Variants in GAS2L1 observed in about 807,000 individuals in gnomAD.
The protein encoded by GAS2L1 is growth arrest specific 2 like 1.
Under a neutral mutation model 44.0 loss-of-function variants are expected in GAS2L1, and 26 were observed. The observed-to-expected ratio is 0.59, with a 90% confidence interval of 0.43 to 0.82. The LOEUF is 0.82. Among genes scored for constraint, GAS2L1 ranks in the 40% least tolerant of loss-of-function variants. The pLI is 0.00. For synonymous variants in GAS2L1, 426 were observed against 415.9 expected (o/e 1.02, Z -0.30); for missense variants, 1,006 against 983.0 (o/e 1.02, Z -0.31).
At chr22:29,312,303 C>G in exon 5 of GAS2L1, 2 of 1,608,160 alleles carry the variant, frequency 1.2e-6, no homozygotes, top group Non-Finnish European at 1.7e-6. Flanking sequence ...ACTAGATGCA[C>G]CTGGGAGCCC....
exon 5 of GAS2L1, chr22:29,312,197 C>T (rs905624495): frequency 6.8e-6 from 11 of 1,612,992 alleles, no homozygotes; most frequent in South Asian, 1.1e-5. Context: ...AACCTGGGGA[C>T]TCTGGCCGGA....
exon 1 of GAS2L1, chr22:29,308,646 G>C: frequency 6.4e-7 from 1 of 1,569,980 alleles, no homozygotes; most frequent in Non-Finnish European, 8.6e-7. Context: ...CCCTGCCGCT[G>C]GGGAGGACAC....
At chr22:29,308,477 T>G (rs781164860) in exon 1 of GAS2L1, 1 of 1,608,598 alleles carries the variant, frequency 6.2e-7, no homozygotes, top group South Asian at 1.1e-5. Flanking sequence ...TGTTTGAGAC[T>G]GAGGACCTGG....
At chr22:29,312,424 G>T (rs1281364273) in exon 5 of GAS2L1, 1 of 1,549,492 alleles carries the variant, frequency 6.5e-7, no homozygotes, top group East Asian at 2.3e-5. Context: ...CGCCCCTCCG[G>T]ACCCGCAGAG....
At chr22:29,310,537 C>T in exon 2 of GAS2L1, 2 of 1,606,176 alleles carry the variant, frequency 1.2e-6, no homozygotes, top group Non-Finnish European at 1.7e-6. Flanking sequence ...GCCTGCTCAT[C>T]TTTGTGCGGG....
chr22:29,310,979 G>A (rs1238511917), exon 4 of GAS2L1: 2 of 1,612,990 alleles, frequency 1.2e-6, no homozygotes, highest in Non-Finnish European at 1.7e-6. Context: ...CACAAAGGAG[G>A]GGCCCGAGAC....
Position 29,312,373 on chromosome 22 carries a change from A to AC in GAS2L1, c.1924dup (p.Arg642ProfsTer2), listed in dbSNP as rs1381099345. On this transcript the variant is annotated frameshift_variant, in exon 5 of 5. Coordinates refer to ENST00000618518, the Ensembl canonical transcript of GAS2L1. LOFTEE classifies it high-confidence loss of function. ...CGGGGTCGGATGGACACACAGCCAGACCGTAAACCCTCACGTATCCCCACG... is the reference window on the plus strand; with the variant it reads ...CGGGGTCGGATGGACACACAGCCAGACCCGTAAACCCTCACGTATCCCCACG... 6.2e-7 allele frequency: 1 copy of AC among 1,600,862 alleles called. No homozygotes were observed. Among genetic ancestry groups the AC allele is most frequent in the Non-Finnish European group, 8.5e-7 (1 of 1,171,178 alleles).
intron 4 of GAS2L1, 101 bp downstream of exon 5, chr22:29,311,099 C>G (rs1030988884): frequency 2.8e-5 from 33 of 1,192,404 alleles, no homozygotes; most frequent in Non-Finnish European, 3.8e-5. Context: ...GACTCACACC[C>G]TGGGAAAAGT....
exon 5 of GAS2L1, chr22:29,311,481 C>G: frequency 6.9e-7 from 1 of 1,457,290 alleles, no homozygotes; most frequent in South Asian, 1.3e-5. Flanking sequence ...TCAGCTGCCC[C>G]CCCATCCCCG....
At chr22:29,311,770 A>G in exon 5 of GAS2L1, 1 of 1,547,608 alleles carries the variant, frequency 6.5e-7, no homozygotes, top group Non-Finnish European at 8.7e-7. Context: ...CAGAGCCGCG[A>G]GGAGCAGGCT....
chr22:29,312,181 G>A lies in GAS2L1; in HGVS notation c.1730G>A (p.Cys577Tyr), dbSNP rs754821032. ...TCCCTCAGCGTCCTGGGTGGCAAATGTGGCCAACCTGGGGACTCTGGCCGG... is the reference window on the plus strand; with the variant it reads ...TCCCTCAGCGTCCTGGGTGGCAAATATGGCCAACCTGGGGACTCTGGCCGG... Residue 577 changes from cysteine (C) to tyrosine (Y), a missense_variant, in exon 5 of 5, where the codon TGT (cysteine) becomes TAT (tyrosine). Cys to Tyr is a radical substitution (Grantham distance 194). Coordinates refer to ENST00000618518, the Ensembl canonical transcript of GAS2L1. The A allele has an allele frequency of 1.6e-5, 26 of 1,613,118 alleles. 1 individual carries two copies. The South Asian group carries it at 2.7e-4, about 17-fold the overall frequency.
exon 4 of GAS2L1, chr22:29,310,873 G>T (rs1453555670): frequency 2.5e-6 from 4 of 1,612,962 alleles, no homozygotes; most frequent in Non-Finnish European, 3.4e-6. Flanking sequence ...CTCCACAGAG[G>T]GTGTCGCCCA....
At chr22:29,312,458 C>G (rs1423114237) in exon 5 of GAS2L1, 6 of 1,519,454 alleles carry the variant, frequency 3.9e-6, no homozygotes, top group East Asian at 2.3e-5. Context: ...ATGCCCTGCA[C>G]TCAGTCACCC....
intron 4 of GAS2L1, 165 bp downstream of exon 5, chr22:29,311,163 C>T (rs2061401247): frequency 1.5e-6 from 1 of 654,848 alleles, no homozygotes; most frequent in Non-Finnish European, 2.6e-6. Context: ...CCCAACCAAA[C>T]CAACAACACA....
exon 1 of GAS2L1, chr22:29,308,547 G>A (rs759856018): frequency 1.3e-6 from 2 of 1,599,262 alleles, no homozygotes; most frequent in South Asian, 2.2e-5. Flanking sequence ...GCGGCGTGGG[G>A]CACGCCTGGG....
At chr22:29,309,691 C>T (rs1189212446) in intron 1 of GAS2L1, among the ~76,000 whole-genome samples, 3 of 152,180 alleles carry the variant, frequency 2.0e-5, no homozygotes, top group Non-Finnish European at 2.9e-5. Context: ...TGCATGTGTC[C>T]GATGTGTCTG....
At chr22:29,308,437 G>C (rs759252440) in exon 1 of GAS2L1, 1 of 1,604,922 alleles carries the variant, frequency 6.2e-7, no homozygotes, top group African/African-American at 1.3e-5. Flanking sequence ...GGCTGGTGCC[G>C]CGTGGAGCTG....
At position 29,312,663 on chromosome 22, in the gene GAS2L1, G is replaced by A. The variant is rs2061423974; in HGVS notation, c.*166G>A. 10 of 458,244 alleles carry A rather than the reference G, an allele frequency of 2.2e-5. No homozygotes were observed. The South Asian group carries it at 7.8e-4, about 36-fold the overall frequency. 28.4% of individuals were successfully genotyped at this position (458,244 alleles called of 1,614,324 possible). A position where few individuals can be genotyped will look rare whatever the true frequency, so the allele number is the denominator to read the frequency against. On this transcript the variant is annotated 3_prime_UTR_variant, in exon 5 of 5. Transcript: ENST00000618518. ...GGGACCTCTGTTGTACATTCCGGTT[G>A]GGGGATGAGCGTTGCTATTTAATTA...
exon 4 of GAS2L1, chr22:29,310,887 C>T (rs768767404): frequency 6.2e-7 from 1 of 1,613,422 alleles, no homozygotes; most frequent in Non-Finnish European, 8.5e-7. Context: ...TCGCCCACCA[C>T]CAGTCCCCGC....
Sources: allele counts gnomAD v4.1 joint callset (sites outside exome capture counted in the v4.1 genomes callset), GRCh38; gene constraint gnomAD v4.1.1; transcripts MANE v1.5; gene names NCBI Gene and HGNC (gene_info 2026-07-23, HGNC 2026-07-21).